COL25A1: variants seen among roughly 807,000 people sequenced by gnomAD.
COL25A1 encodes the protein collagen alpha-1(XXV) chain.
Under a neutral mutation model 128.4 loss-of-function variants are expected in COL25A1, and 103 were observed. The ratio of observed to expected loss-of-function variants is 0.80; its 90% CI spans 0.68 to 0.94. COL25A1 has a LOEUF of 0.94. Among genes scored for constraint, COL25A1 ranks in the 40% least tolerant of loss-of-function variants. The pLI is 0.00. For synonymous variants in COL25A1, 279 were observed against 277.2 expected, an observed-to-expected ratio of 1.01 and a Z score of -0.06; for missense variants, 745 against 840.0, an observed-to-expected ratio of 0.89 and a Z score of 1.40.
rs145409778 is a variant in COL25A1 at position 109,226,932 on chromosome 4, G to A, written c.367+73651C>T. ...TGAGTAGATGAACCAGATTCATAAA[G>A]AAATTGGTCAAAACGTGAAATGCAA... On this transcript the variant is annotated intron_variant, in intron 3 of 37. Transcript: ENST00000399132. Among the ~76,000 whole-genome samples, 672 of 152,212 alleles carry A rather than the reference G, an allele frequency of 4.4e-3. 7 individuals carry two copies. The highest frequency in any genetic ancestry group is 0.017 in the Middle Eastern group (5 of 294).
intron 6 of COL25A1, among the ~76,000 whole-genome samples, chr4:108,982,202 C>A (rs1205824807): frequency 6.6e-6 from 1 of 152,072 alleles, no homozygotes; most frequent in Non-Finnish European, 1.5e-5. Flanking sequence ...TCAAAAAACA[C>A]ACACACACAA....
At chr4:108,940,432 A>C in intron 10 of COL25A1, 107 bp downstream of exon 10, 1 of 883,774 alleles carries the variant, frequency 1.1e-6, no homozygotes, top group South Asian at 1.3e-5. Context: ...CACTCCACTC[A>C]CTTGACCCCC....
chr4:109,248,258 A>G (rs1448159924), intron 3 of COL25A1, among the ~76,000 whole-genome samples: 2 of 151,106 alleles, frequency 1.3e-5, no homozygotes, highest in Admixed American at 6.6e-5. Flanking sequence ...ATTCAATAGA[A>G]TTAATATTTC....
intron 13 of COL25A1, among the ~76,000 whole-genome samples, chr4:108,915,994 G>T (rs1305339138): frequency 6.6e-6 from 1 of 152,160 alleles, no homozygotes; most frequent in Non-Finnish European, 1.5e-5. Context: ...TGTGCTCTAA[G>T]TATGTAAAAT....
Position 108,827,105 on chromosome 4 carries a change from G to T in COL25A1, c.1764+30C>A, listed in dbSNP as rs770362498. The T allele has an allele frequency of 3.1e-6, 5 of 1,606,480 alleles. No individual in the cohort carries two copies. The East Asian group carries it at 6.7e-5, about 22-fold the overall frequency. ...GACTGGTCATCTATGCATGCGGAAGGTGGGGAGGTGCATGTGACCAGGAAC... is the reference window on the plus strand; with the variant it reads ...GACTGGTCATCTATGCATGCGGAAGTTGGGGAGGTGCATGTGACCAGGAAC... On this transcript the variant is annotated intron_variant, in intron 33 of 37. Coordinates refer to ENST00000399132, the MANE Select transcript of COL25A1 (RefSeq NM_198721.4).
Position 109,280,403 on chromosome 4 carries a change from G to T in COL25A1, c.367+20180C>A, listed in dbSNP as rs1487356267. Among the ~76,000 whole-genome samples, 3 of 152,158 alleles carry T rather than the reference G, an allele frequency of 2.0e-5. 1 individual carries two copies. In the East Asian group the frequency reaches 5.8e-4, roughly 29 times the overall value. ...AACTTTACGGGAAACATAAGGAATAGCAGACAAGTGAAATAACACCATGCA... is the reference window on the plus strand; with the variant it reads ...AACTTTACGGGAAACATAAGGAATATCAGACAAGTGAAATAACACCATGCA... On this transcript the variant is annotated intron_variant, in intron 3 of 37. Transcript: ENST00000399132.
At chr4:109,010,453 A>G (rs1175034269) in intron 5 of COL25A1, 78 bp from the exon 6 acceptor site, 1 of 957,078 alleles carries the variant, frequency 1.0e-6, no homozygotes, top group African/African-American at 1.7e-5. Context: ...AACTGAAACT[A>G]GTTCTGGAAA....
intron 11 of COL25A1, among the ~76,000 whole-genome samples, chr4:108,928,959 G>A (rs1286343193): frequency 6.6e-6 from 1 of 152,156 alleles, no homozygotes; most frequent in Admixed American, 6.5e-5. Flanking sequence ...TTCTAGCCTG[G>A]TTCTGCCGTT....
At chr4:109,288,969 AC>A (rs1348342496) in intron 3 of COL25A1, among the ~76,000 whole-genome samples, 58 of 99,682 alleles carry the variant, frequency 5.8e-4, no homozygotes, top group Admixed American at 7.3e-4. Flanking sequence ...ATATACACAC[AC>A]ACACACACAC....
intron 11 of COL25A1, among the ~76,000 whole-genome samples, chr4:108,931,934 G>C (rs1746802166): frequency 6.6e-6 from 1 of 152,192 alleles, no homozygotes; most frequent in Non-Finnish European, 1.5e-5. Context: ...GGTTGCTAAG[G>C]CATCTCAGCA....
chr4:109,289,260 G>A (rs553438687), intron 3 of COL25A1, among the ~76,000 whole-genome samples: 9 of 151,984 alleles, frequency 5.9e-5, no homozygotes, highest in African/African-American at 1.7e-4. Flanking sequence ...GAAAAAGTCC[G>A]TTTTGCCTCC....
At chr4:109,236,214 T>A (rs926195910) in intron 3 of COL25A1, among the ~76,000 whole-genome samples, 1 of 152,074 alleles carries the variant, frequency 6.6e-6, no homozygotes, top group Non-Finnish European at 1.5e-5. Flanking sequence ...TTTTGTAATA[T>A]CACTTTAAAT....
At chr4:109,229,777 T>A (rs11728105) in intron 3 of COL25A1, among the ~76,000 whole-genome samples, 4 of 152,202 alleles carry the variant, frequency 2.6e-5, no homozygotes, top group African/African-American at 9.6e-5. Flanking sequence ...ACGATGGCTG[T>A]GCAAGTGCTG....
intron 8 of COL25A1, among the ~76,000 whole-genome samples, chr4:108,968,927 C>T (rs545236818): frequency 3.9e-5 from 6 of 152,286 alleles, no homozygotes; most frequent in Non-Finnish European, 7.4e-5. Context: ...TCATCCCCTA[C>T]ATCCAACTGG....
intron 6 of COL25A1, among the ~76,000 whole-genome samples, chr4:108,983,819 C>T (rs1314196861): frequency 2.0e-5 from 3 of 152,076 alleles, no homozygotes; most frequent in African/African-American, 7.2e-5. Flanking sequence ...TGCAGACCTT[C>T]GCAGTGAGTG....
chr4:109,115,266 A>G (rs1767427092), intron 3 of COL25A1, among the ~76,000 whole-genome samples: 1 of 152,186 alleles, frequency 6.6e-6, no homozygotes, highest in East Asian at 1.9e-4. Flanking sequence ...CCACTTCCAG[A>G]TATTATTTTA....
chr4:109,243,755 T>G (rs944756873), intron 3 of COL25A1, among the ~76,000 whole-genome samples: 1 of 152,082 alleles, frequency 6.6e-6, no homozygotes, highest in Non-Finnish European at 1.5e-5. Flanking sequence ...AATATTGGAA[T>G]GAAATAGCCA....
At chr4:108,869,802 T>C (rs1738477045) in intron 19 of COL25A1, among the ~76,000 whole-genome samples, 1 of 152,218 alleles carries the variant, frequency 6.6e-6, no homozygotes, top group Non-Finnish European at 1.5e-5. Context: ...GGCTTTGTTC[T>C]CAGTTCCTGT....
chr4:109,267,524 G>T (rs1336797037), intron 3 of COL25A1, among the ~76,000 whole-genome samples: 3 of 152,114 alleles, frequency 2.0e-5, no homozygotes, highest in African/African-American at 7.2e-5. Flanking sequence ...CATTTCCATT[G>T]TAAGTTTTTA....
Sources: allele counts gnomAD v4.1 joint callset (sites outside exome capture counted in the v4.1 genomes callset), GRCh38; gene constraint gnomAD v4.1.1; transcripts MANE v1.5; gene names NCBI Gene and HGNC (gene_info 2026-07-23, HGNC 2026-07-21).